Variants in ALS2 observed in about 807,000 individuals in gnomAD.
The protein encoded by ALS2 is alsin Rho guanine nucleotide exchange factor ALS2, also known as alsin.
In ALS2, 117 loss-of-function variants were observed where a neutral mutation model predicts 203.4. The ratio of observed to expected loss-of-function variants is 0.58; its 90% CI spans 0.50 to 0.67. ALS2 has a LOEUF of 0.67. ALS2 is among the 30% of genes least tolerant of loss of function. The pLI, the probability that ALS2 is intolerant of heterozygous loss-of-function variation, is 0.00. For missense variants in ALS2, 1,715 were observed against 1,989.4 expected, an observed-to-expected ratio of 0.86 and a Z score of 2.62; for synonymous variants, 718 against 725.9, an observed-to-expected ratio of 0.99 and a Z score of 0.17.
At chr2:201,710,068 T>C (rs376925502) in intron 26 of ALS2, 30 bp from the exon 27 acceptor site, 29 of 1,611,776 alleles carry the variant, frequency 1.8e-5, no homozygotes, top group African/African-American at 2.7e-5. Context: ...ATGAAGTCAG[T>C]TGATGTGCAT....
At chr2:201,769,053 A>C (rs1694246607) in intron 1 of ALS2, 108 bp from the exon 2 acceptor site, 5 of 580,298 alleles carry the variant, frequency 8.6e-6, no homozygotes, top group Non-Finnish European at 1.5e-5. Flanking sequence ...TAGGAAATAA[A>C]TATGCAGTAA....
chr2:201,764,836 T>C (rs996335061), intron 3 of ALS2, among the ~76,000 whole-genome samples: 1 of 152,174 alleles, frequency 6.6e-6, no homozygotes, highest in Non-Finnish European at 1.5e-5. Context: ...CATACACTTG[T>C]GTTAGACGAC....
intron 1 of ALS2, among the ~76,000 whole-genome samples, chr2:201,771,042 A>AT (rs34578117): frequency 0.016 from 1,643 of 104,428 alleles, 30 homozygotes; most frequent in East Asian, 0.024. Flanking sequence ...GTATTTACAG[A>AT]TTTTTTTTTT....
intron 4 of ALS2, among the ~76,000 whole-genome samples, chr2:201,759,211 A>T (rs1693604545): frequency 6.6e-6 from 1 of 152,160 alleles, no homozygotes; most frequent in African/African-American, 2.4e-5. Context: ...AATTATATTT[A>T]AAAATATAGT....
chr2:201,701,811 C>G lies in ALS2; in HGVS notation c.*40G>C. ...GAAGACTCCAGATGGTGTTATAACA[C>G]TCTGTAGTAGATAATCCAGTTTTCA... On this transcript the variant is annotated 3_prime_UTR_variant, in exon 34 of 34. Transcript: ENST00000264276. 1 of 1,599,796 alleles carries G rather than the reference C, an allele frequency of 6.3e-7. No homozygotes were observed. The highest frequency in any genetic ancestry group is 8.6e-7 in the Non-Finnish European group (1 of 1,167,288).
At chr2:201,751,935 T>C (rs1157776171) in intron 7 of ALS2, among the ~76,000 whole-genome samples, 2 of 152,194 alleles carry the variant, frequency 1.3e-5, no homozygotes, top group Non-Finnish European at 2.9e-5. Flanking sequence ...CACTTTTATA[T>C]CTTAAATTCT....
intron 15 of ALS2, among the ~76,000 whole-genome samples, 193 bp downstream of exon 15, chr2:201,728,319 C>T (rs889152879): frequency 6.6e-6 from 1 of 152,032 alleles, no homozygotes; most frequent in African/African-American, 2.4e-5. Context: ...TTGTTCAGTT[C>T]CCACCTATGA....
At chr2:201,746,800 A>T in intron 8 of ALS2, 52 bp from the exon 9 acceptor site, 1 of 1,603,012 alleles carries the variant, frequency 6.2e-7, no homozygotes, top group African/African-American at 1.3e-5. Context: ...ATCAGAGAGA[A>T]CTTCGGATCC....
At chr2:201,778,925 ACTTTAC>A (rs1288574023) in intron 1 of ALS2, among the ~76,000 whole-genome samples, 10 of 152,222 alleles carry the variant, frequency 6.6e-5, no homozygotes, top group Non-Finnish European at 1.5e-5. Flanking sequence ...TTCAACTCAT[ACTTTAC>A]CTAGTCTCAC....
intron 17 of ALS2, 122 bp from the exon 18 acceptor site, chr2:201,726,988 A>G: frequency 1.1e-6 from 1 of 945,550 alleles, no homozygotes; most frequent in South Asian, 1.4e-5. Context: ...TCTTATTAAT[A>G]GAGTAATATT....
intron 9 of ALS2, among the ~76,000 whole-genome samples, chr2:201,745,273 A>G (rs140689213): frequency 2.1e-4 from 32 of 152,250 alleles, no homozygotes; most frequent in African/African-American, 5.1e-4. Flanking sequence ...CTGGTCTTGA[A>G]CTGGCCTCAA....
intron 1 of ALS2, among the ~76,000 whole-genome samples, chr2:201,771,894 G>C (rs1694400359): frequency 1.3e-5 from 2 of 152,134 alleles, no homozygotes; most frequent in Non-Finnish European, 2.9e-5. Flanking sequence ...CTGTTAACCA[G>C]CTCTGATAAA....
intron 12 of ALS2, among the ~76,000 whole-genome samples, chr2:201,737,921 C>CA (rs113250557): frequency 0.019 from 2,483 of 132,608 alleles, 26 homozygotes; most frequent in Middle Eastern, 0.034. Context: ...GACCCCGTCT[C>CA]AAAAAAAAAA....
At chr2:201,716,576 G>T (rs1408983611) in intron 24 of ALS2, 1 of 147,342 alleles carries the variant, frequency 6.8e-6, no homozygotes, top group East Asian at 2.0e-4. Flanking sequence ...TTAGCCAGGC[G>T]TGGTGGCCCG....
At position 201,780,556 on chromosome 2, in the gene ALS2, G is replaced by C. The variant is rs576973233; in HGVS notation, c.-61+321C>G. Among the ~76,000 whole-genome samples, 9 of 152,328 alleles carry C rather than the reference G, an allele frequency of 5.9e-5. No homozygotes were observed. The South Asian group carries it at 1.7e-3, about 28-fold the overall frequency. Reference sequence around the variant, plus strand: ...TGGAAGGCAGCGTGGGTGGAGGCGGGAAGAGGGGGCTTGAAGGAATTTCAC... The same window carrying C: ...TGGAAGGCAGCGTGGGTGGAGGCGGCAAGAGGGGGCTTGAAGGAATTTCAC... On this transcript the variant is annotated intron_variant, in intron 1 of 33. Transcript: ENST00000264276.
intron 3 of ALS2, among the ~76,000 whole-genome samples, chr2:201,762,540 T>C (rs1208661236): frequency 6.6e-6 from 1 of 152,220 alleles, no homozygotes; most frequent in Non-Finnish European, 1.5e-5. Flanking sequence ...ATCCCAAATC[T>C]GAATGTTCCA....
Position 201,727,742 on chromosome 2 carries a change from G to A in ALS2, c.2875C>T (p.Leu959=). Residue 959 remains leucine, a synonymous_variant, in exon 16 of 34, where the codon CTG becomes TTG. Coordinates refer to ENST00000264276, the MANE Select transcript of ALS2 (RefSeq NM_020919.4). ...TCTTCAGACAGTGGCTCTGCCCACA[G>A]CGTGGCCAGAGGGAAAACATGGTGC... ...STHHVFPLAT[L]WAEPLSEEAG... is the part of the protein sequence containing the mutation. 12 of 1,551,730 alleles carry A rather than the reference G, an allele frequency of 7.7e-6. No homozygotes were observed. Among genetic ancestry groups the A allele is most frequent in the Non-Finnish European group, 1.0e-5 (12 of 1,147,000 alleles).
intron 23 of ALS2, 104 bp downstream of exon 23, chr2:201,722,939 G>A: frequency 2.2e-6 from 2 of 915,314 alleles, no homozygotes. Flanking sequence ...ACGTGCACTT[G>A]AAAGGGGTGA....
intron 27 of ALS2, among the ~76,000 whole-genome samples, chr2:201,708,562 G>A (rs7593147): frequency 1.3e-5 from 2 of 152,042 alleles, no homozygotes; most frequent in African/African-American, 2.4e-5. Flanking sequence ...CACACTCCCC[G>A]CTTTTAGAGT....
Sources: gnomAD v4.1 joint callset for allele counts (sites outside exome capture counted in the v4.1 genomes callset) on GRCh38, gnomAD v4.1.1 for gene constraint, MANE v1.5 for transcripts, NCBI Gene and HGNC (gene_info 2026-07-23, HGNC 2026-07-21) for gene names.